RAPGEF1: variants seen among roughly 807,000 people sequenced by gnomAD.
RAPGEF1 encodes CRK SH3-binding GNRP.
In RAPGEF1, 33 loss-of-function variants were observed where a neutral mutation model predicts 143.3. The ratio of observed to expected loss-of-function variants is 0.23; its 90% CI spans 0.17 to 0.31. The LOEUF is 0.31. RAPGEF1 is among the 10% of genes least tolerant of loss of function. RAPGEF1 has a pLI of 1.00. For missense variants in RAPGEF1, 1,199 were observed against 1,645.4 expected (o/e 0.73, Z 4.69); for synonymous variants, 629 against 676.5 (o/e 0.93, Z 1.09).
intron 1 of RAPGEF1, among the ~76,000 whole-genome samples, chr9:131,693,125 G>A (rs1833898979): frequency 6.6e-6 from 1 of 152,188 alleles, no homozygotes; most frequent in African/African-American, 2.4e-5. Context: ...CTGCTGAATG[G>A]TAAATGTTCT....
chr9:131,580,041 C>T (rs764399508), intron 26 of RAPGEF1, among the ~76,000 whole-genome samples: 6 of 152,238 alleles, frequency 3.9e-5, no homozygotes, highest in Non-Finnish European at 7.3e-5. Flanking sequence ...GCTGTGCTGT[C>T]ACGGGGTCCA....
chr9:131,622,117 C>A (rs549475433), intron 10 of RAPGEF1, 119 bp from the exon 11 acceptor site: 3 of 962,622 alleles, frequency 3.1e-6, no homozygotes, highest in East Asian at 2.6e-5. Context: ...CAGAGAGGGA[C>A]GAACAGACGG....
rs577971139 is a variant in RAPGEF1 at position 131,655,809 on chromosome 9, G to C, written c.62-4860C>G. ...TCACCGTGTTAGCCAGGATGGTCTC[G>C]ATCTCCTGACCTCGTGATCCACCTG... is the stretch of plus-strand genomic sequence containing the variant. On this transcript the variant is annotated intron_variant, in intron 1 of 26. Transcript: ENST00000683357. The surrounding 1 kb of genome is among the most constrained non-coding windows in gnomAD (Gnocchi z 4.1). Among the ~76,000 whole-genome samples the C allele has an allele frequency of 3.3e-4, 50 of 152,166 alleles. No homozygotes were observed. The highest frequency in any genetic ancestry group is 1.2e-3 in the African/African-American group (48 of 41,510).
In RAPGEF1 at chr9:131,728,470, C is replaced by G. The variant is rs1217718324; in HGVS notation, c.61+11300G>C. ...TGGCTCTGACATATACCACAGCCTG[C>G]AAGCACAGGCCCATTCCTTCCAGAC... On this transcript the variant is annotated intron_variant, in intron 1 of 26. Coordinates refer to ENST00000683357, the MANE Select transcript of RAPGEF1 (RefSeq NM_001377935.1). 2.0e-5 allele frequency among the ~76,000 whole-genome samples: 3 copies of G among 152,206 alleles called. No individual in the cohort carries two copies. The East Asian group carries it at 5.8e-4, about 29-fold the overall frequency.
chr9:131,672,715 T>C (rs1169251542), intron 1 of RAPGEF1, among the ~76,000 whole-genome samples: 1 of 152,218 alleles, frequency 6.6e-6, no homozygotes, highest in Admixed American at 6.5e-5. Context: ...GGGGAAGTTC[T>C]AATCTCATCT....
chr9:131,706,143 A>C (rs1315817456), intron 1 of RAPGEF1, among the ~76,000 whole-genome samples: 1 of 151,988 alleles, frequency 6.6e-6, no homozygotes, highest in African/African-American at 2.4e-5. Context: ...CTTGTTCCTA[A>C]ACTAGACACA....
chr9:131,586,245 G>C (rs1952733951), intron 22 of RAPGEF1, among the ~76,000 whole-genome samples: 1 of 125,024 alleles, frequency 8.0e-6, no homozygotes, highest in Non-Finnish European at 1.6e-5. Context: ...TGCAGAGCAA[G>C]ACTCTGTCTC....
chr9:131,691,452 G>T (rs1833774979), intron 1 of RAPGEF1, among the ~76,000 whole-genome samples: 1 of 152,154 alleles, frequency 6.6e-6, no homozygotes, highest in African/African-American at 2.4e-5. Context: ...GTATGCCACA[G>T]AAACAGCCAA....
chr9:131,631,651 C>T (rs1017613598), intron 5 of RAPGEF1, among the ~76,000 whole-genome samples: 1 of 152,260 alleles, frequency 6.6e-6, no homozygotes, highest in East Asian at 1.9e-4. Flanking sequence ...GACCCTGAAC[C>T]AGCGGCTGCC....
At chr9:131,739,720 C>A in intron 1 of RAPGEF1, 50 bp downstream of exon 1, 2 of 1,064,718 alleles carry the variant, frequency 1.9e-6, no homozygotes, top group South Asian at 3.2e-5. Context: ...AGCGGCGGAG[C>A]CCCAGGGCCG....
chr9:131,729,920 C>T (rs887356507), intron 1 of RAPGEF1, among the ~76,000 whole-genome samples: 5 of 152,166 alleles, frequency 3.3e-5, no homozygotes, highest in Non-Finnish European at 7.3e-5. Flanking sequence ...ATTGGCTGGG[C>T]GCAGTGGCTC....
At chr9:131,606,168 T>G (rs917004894) in intron 12 of RAPGEF1, among the ~76,000 whole-genome samples, 4 of 152,178 alleles carry the variant, frequency 2.6e-5, no homozygotes, top group Admixed American at 6.5e-5. Context: ...GGAAAGACAC[T>G]GTGTTGAGAA....
Position 131,628,433 on chromosome 9 carries a change from G to T in RAPGEF1, c.1017+116C>A. The T allele has an allele frequency of 5.8e-6, 8 of 1,377,514 alleles. No homozygotes were observed. In the South Asian group the frequency reaches 6.7e-5, roughly 11 times the overall value. 85.3% of individuals were successfully genotyped at this position (1,377,514 alleles called of 1,614,324 possible). On this transcript the variant is annotated intron_variant, in intron 8 of 26. Transcript: ENST00000683357. This position sits in a 1 kb window ranked among gnomAD's most constrained non-coding sequence, Gnocchi z 5.7. Reference sequence around the variant, plus strand: ...ATGGGTACAAGGTCTCGCACTCCTCGATGTGACAAACACCAGCGCCTGAAG... The same window carrying T: ...ATGGGTACAAGGTCTCGCACTCCTCTATGTGACAAACACCAGCGCCTGAAG...
chr9:131,609,984 C>T (rs1279068134), intron 12 of RAPGEF1, among the ~76,000 whole-genome samples: 1 of 152,182 alleles, frequency 6.6e-6, no homozygotes, highest in Non-Finnish European at 1.5e-5. Context: ...GTAGCCTCAA[C>T]CTCCTGGGTT....
intron 1 of RAPGEF1, among the ~76,000 whole-genome samples, chr9:131,720,385 C>T (rs1359703848): frequency 1.3e-5 from 2 of 152,194 alleles, no homozygotes; most frequent in African/African-American, 4.8e-5. Context: ...CAATTCCTCT[C>T]CAGACTTTGA....
In RAPGEF1 at chr9:131,596,369, T is replaced by C. The variant is rs1955290093; in HGVS notation, c.2618A>G (p.Asp873Gly). 6.2e-7 allele frequency: 1 copy of C among 1,613,854 alleles called. No individual in the cohort carries two copies. Among genetic ancestry groups the C allele is most frequent in the Non-Finnish European group, 8.5e-7 (1 of 1,179,888 alleles). Residue 873 changes from aspartate to glycine, a missense_variant, in exon 17 of 27, where the codon GAT becomes GGT. This residue lies in a region of RAPGEF1 where 209 missense variants were observed against 403.0 expected (regional missense o/e 0.52). Coordinates refer to ENST00000683357, the MANE Select transcript of RAPGEF1 (RefSeq NM_001377935.1). ...MSRLTLKQEGDDGPDVRGGSG... is the reference protein window; with the variant it reads ...MSRLTLKQEGGDGPDVRGGSG... ...TCCTCCGCGGACGTCCGGCCCGTCA[T>C]CACCCTGTAATGAACACAGCCAAGG... is the stretch of plus-strand genomic sequence containing the variant.
chr9:131,673,216 C>A (rs1262119060), intron 1 of RAPGEF1, among the ~76,000 whole-genome samples: 2 of 152,190 alleles, frequency 1.3e-5, no homozygotes, highest in Admixed American at 1.3e-4. Context: ...TATTTGCAAT[C>A]AGAAGAAAGC....
Position 131,664,736 on chromosome 9 carries a change from C to T in RAPGEF1, c.62-13787G>A, listed in dbSNP as rs775953804. On this transcript the variant is annotated intron_variant, in intron 1 of 26. Coordinates refer to ENST00000683357, the MANE Select transcript of RAPGEF1 (RefSeq NM_001377935.1). ...AATATATCCTGTGATGGGCATATAG[C>T]AAGTACTGTGTTCAAAAAGATATTC... 1.1e-3 allele frequency among the ~76,000 whole-genome samples: 173 copies of T among 152,190 alleles called. 3 individuals carry two copies. The highest frequency in any genetic ancestry group is 1.3e-3 in the Admixed American group (20 of 15,274).
rs148105123 is a variant in RAPGEF1 at position 131,636,062 on chromosome 9, G to C, written c.651+2573C>G. Among the ~76,000 whole-genome samples, 586 of 152,228 alleles carry C rather than the reference G, an allele frequency of 3.8e-3. 17 individuals are homozygous for C. The highest frequency in any genetic ancestry group is 5.6e-3 in the East Asian group (29 of 5,164). On this transcript the variant is annotated intron_variant, in intron 5 of 26. Transcript: ENST00000683357. ...CCAGATGCTGGCCTGTCTCTTCCTT[G>C]GGGAAGCGTCTCTGACCACCCTGAG...
Sources: allele counts gnomAD v4.1 joint callset (sites outside exome capture counted in the v4.1 genomes callset), GRCh38; gene constraint gnomAD v4.1.1; regional missense constraint gnomAD v4.1.1; non-coding constraint Gnocchi (gnomAD v3.1); transcripts MANE v1.5; gene names NCBI Gene and HGNC (gene_info 2026-07-23, HGNC 2026-07-21).